Variants in LRFN5 observed in about 807,000 individuals in gnomAD.
The protein encoded by LRFN5 is leucine rich repeat and fibronectin type III domain containing 5.
A neutral mutation model predicts 45.6 loss-of-function variants in LRFN5; 24 were observed. That is an observed-to-expected ratio of 0.53 (90% confidence interval 0.38 to 0.74). The LOEUF (loss-of-function observed/expected upper bound fraction) is 0.74, where lower values mean the gene tolerates loss of function less well. LRFN5 is among the 30% of genes least tolerant of loss of function. The pLI is 0.00. For missense variants in LRFN5, 776 were observed against 861.5 expected (o/e 0.90, Z 1.24); for synonymous variants, 340 against 313.8 (o/e 1.08, Z -0.88).
intron 2 of LRFN5, among the ~76,000 whole-genome samples, chr14:41,878,191 C>T (rs1890250938): frequency 6.6e-6 from 1 of 152,032 alleles, no homozygotes; most frequent in South Asian, 2.1e-4. Flanking sequence ...ATAAAATATC[C>T]TTCACAATAC....
In LRFN5 at chr14:41,615,149, T is replaced by G. The variant is rs371681546; in HGVS notation, c.-197+6587T>G. 1.1e-4 allele frequency among the ~76,000 whole-genome samples: 16 copies of G among 152,194 alleles called. No individual in the cohort carries two copies. In the South Asian group the frequency reaches 3.1e-3, roughly 30 times the overall value. Reference sequence around the variant, plus strand: ...CTGACATATATATTCAATCTTAAATTTTTTTTAAAGCATCTCTGCCAAGTG... The same window carrying G: ...CTGACATATATATTCAATCTTAAATGTTTTTTAAAGCATCTCTGCCAAGTG... On this transcript the variant is annotated intron_variant, in intron 1 of 5. Transcript: ENST00000298119.
At chr14:41,726,540 C>T (rs1322889595) in intron 1 of LRFN5, among the ~76,000 whole-genome samples, 1 of 152,090 alleles carries the variant, frequency 6.6e-6, no homozygotes, top group Non-Finnish European at 1.5e-5. Flanking sequence ...AAACTGAAGA[C>T]CAATGTGCCT....
intron 1 of LRFN5, among the ~76,000 whole-genome samples, chr14:41,673,955 C>G (rs1293293973): frequency 1.4e-5 from 2 of 145,974 alleles, no homozygotes; most frequent in East Asian, 4.3e-4. Flanking sequence ...GCTGACACCC[C>G]CACCTCCCTC....
intron 1 of LRFN5, among the ~76,000 whole-genome samples, chr14:41,658,968 T>C (rs1880503206): frequency 6.6e-6 from 1 of 151,976 alleles, no homozygotes; most frequent in East Asian, 1.9e-4. Flanking sequence ...CCTCTCTGTA[T>C]GCTACCGTGT....
chr14:41,685,387 T>A (rs960262501), intron 1 of LRFN5, among the ~76,000 whole-genome samples: 2 of 152,164 alleles, frequency 1.3e-5, no homozygotes, highest in African/African-American at 4.8e-5. Flanking sequence ...ACCAAGATTT[T>A]AAAGAAACCC....
In LRFN5 at chr14:41,898,898, C is replaced by G. The variant is rs533605700; in HGVS notation, c.2099-19C>G. On this transcript the variant is annotated intron_variant, in intron 4 of 5. Transcript: ENST00000298119. ...TTAAAAAAATGAATTGTTTATGACA[C>G]TGAACATTTTATTCCCAGATGCTTT... 2.0e-5 allele frequency: 32 copies of G among 1,606,062 alleles called. 1 individual carries two copies. Among genetic ancestry groups the G allele is most frequent in the South Asian group, 3.4e-5 (3 of 89,486 alleles).
chr14:41,867,641 A>C (rs576993772), intron 2 of LRFN5, among the ~76,000 whole-genome samples: 1 of 152,276 alleles, frequency 6.6e-6, no homozygotes, highest in South Asian at 2.1e-4. Flanking sequence ...CTCAGTTCAC[A>C]GCAGATCTCC....
In LRFN5 at chr14:41,886,794, C is replaced by T. The variant is rs747782144; in HGVS notation, c.169C>T (p.Arg57Trp). ...PNIDRRTVELRLADNFVTNIK... is the reference protein window; with the variant it reads ...PNIDRRTVELWLADNFVTNIK... ...CATTGACAGAAGAACTGTGGAACTG[C>T]GGTTGGCAGACAATTTTGTTACAAA... The change falls in exon 3 of 6, where the codon CGG becomes TGG. Residue 57 changes from arginine to tryptophan, a missense_variant. Physicochemically the swap from Arg to Trp is moderately radical, Grantham distance 101. Around this residue, in one of 2 missense-constraint regions of LRFN5, gnomAD observed 311 missense variants for 405.1 expected, o/e 0.77. Transcript: ENST00000298119. 2 of 1,613,996 alleles carry T rather than the reference C, an allele frequency of 1.2e-6. No individual in the cohort carries two copies. Among genetic ancestry groups the T allele is most frequent in the South Asian group, 1.1e-5 (1 of 91,048 alleles).
intron 1 of LRFN5, among the ~76,000 whole-genome samples, chr14:41,743,661 T>C (rs770544515): frequency 3.5e-4 from 54 of 152,258 alleles, no homozygotes; most frequent in Non-Finnish European, 6.6e-4. Flanking sequence ...TATTTAAAAA[T>C]TGTTAAAATA....
intron 2 of LRFN5, among the ~76,000 whole-genome samples, chr14:41,793,007 G>A (rs1459504551): frequency 6.8e-6 from 1 of 147,668 alleles, no homozygotes; most frequent in African/African-American, 2.5e-5. Flanking sequence ...GTGGGGTTGG[G>A]GGAGGGGGGA....
At chr14:41,805,775 C>G (rs1000378465) in intron 2 of LRFN5, among the ~76,000 whole-genome samples, 1 of 152,084 alleles carries the variant, frequency 6.6e-6, no homozygotes, top group Non-Finnish European at 1.5e-5. Context: ...TACGTTAGAA[C>G]AGGAAGATGA....
At chr14:41,876,521 C>T (rs1268561006) in intron 2 of LRFN5, among the ~76,000 whole-genome samples, 1 of 150,440 alleles carries the variant, frequency 6.6e-6, no homozygotes, top group Non-Finnish European at 1.5e-5. Context: ...TGGTCTCAAT[C>T]TCCTGACCTC....
At chr14:41,841,133 C>A (rs375514530) in intron 2 of LRFN5, among the ~76,000 whole-genome samples, 1 of 151,520 alleles carries the variant, frequency 6.6e-6, no homozygotes, top group Non-Finnish European at 1.5e-5. Flanking sequence ...ATAAATTATA[C>A]ATAAATATGT....
At chr14:41,634,604 A>C (rs1888666352) in intron 1 of LRFN5, among the ~76,000 whole-genome samples, 1 of 152,170 alleles carries the variant, frequency 6.6e-6, no homozygotes, top group African/African-American at 2.4e-5. Context: ...TAGGTCCTGA[A>C]AAGTTGAAGT....
intron 1 of LRFN5, among the ~76,000 whole-genome samples, chr14:41,651,206 T>C (rs546973896): frequency 6.6e-6 from 1 of 152,282 alleles, no homozygotes; most frequent in East Asian, 1.9e-4. Context: ...CATGGATTTT[T>C]AACAACCAGA....
intron 2 of LRFN5, among the ~76,000 whole-genome samples, chr14:41,769,504 A>T (rs1478636534): frequency 6.6e-6 from 1 of 152,144 alleles, no homozygotes; most frequent in African/African-American, 2.4e-5. Context: ...ATTTATGTGC[A>T]TGTATGTGTA....
chr14:41,763,059 C>T lies in LRFN5; in HGVS notation c.-196-3795C>T, dbSNP rs923384166. 2.0e-5 allele frequency among the ~76,000 whole-genome samples: 3 copies of T among 152,096 alleles called. No homozygotes were observed. The East Asian group carries it at 5.8e-4, about 29-fold the overall frequency. On this transcript the variant is annotated intron_variant, in intron 1 of 5. Coordinates refer to ENST00000298119, the MANE Select transcript of LRFN5 (RefSeq NM_152447.5). ...ATGTGAGATAATATTCTGGTGTCTT[C>T]AAGTATTTCAAGGGCTTTCAATGGG...
At chr14:41,671,616 C>CTT (rs1566613142) in intron 1 of LRFN5, among the ~76,000 whole-genome samples, 2 of 37,220 alleles carry the variant, frequency 5.4e-5, no homozygotes, top group Non-Finnish European at 4.5e-5. Context: ...TTTTTTTTTT[C>CTT]GTTTTTTTTT....
intron 2 of LRFN5, among the ~76,000 whole-genome samples, chr14:41,812,949 C>T (rs1887785417): frequency 6.6e-6 from 1 of 152,084 alleles, no homozygotes; most frequent in Non-Finnish European, 1.5e-5. Flanking sequence ...AAAAGACACA[C>T]ACAGGTAGCT....
Sources: gnomAD v4.1 joint callset for allele counts (sites outside exome capture counted in the v4.1 genomes callset) on GRCh38, gnomAD v4.1.1 for gene constraint, gnomAD v4.1.1 regional missense constraint, MANE v1.5 for transcripts, NCBI Gene and HGNC (gene_info 2026-07-23, HGNC 2026-07-21) for gene names.